The following TRMT9B variants were observed in gnomAD, a reference collection of about 807,000 sequenced individuals.
The protein encoded by TRMT9B is tRNA methyltransferase 9B (putative).
In TRMT9B, 16 loss-of-function variants were observed where a neutral mutation model predicts 11.5. The ratio of observed to expected loss-of-function variants is 1.39; its 90% CI spans 0.94 to 2.11. TRMT9B has a LOEUF of 2.11. Among genes scored for constraint, TRMT9B ranks in the 30% most tolerant of loss-of-function variants. The probability of loss-of-function intolerance (pLI) is 0.00; values close to 1 mark genes in which losing one functional copy is unlikely to be tolerated. For synonymous variants in TRMT9B, 274 were observed against 192.4 expected, an observed-to-expected ratio of 1.42 and a Z score of -3.51; for missense variants, 941 against 553.8, an observed-to-expected ratio of 1.70 and a Z score of -7.02.
At chr8:13,016,240 T>A (rs1812667478) in intron 4 of TRMT9B, among the ~76,000 whole-genome samples, 1 of 145,540 alleles carries the variant, frequency 6.9e-6, no homozygotes. Flanking sequence ...ATATATTATA[T>A]ATAAAATATA....
chr8:13,019,852 C>T (rs775801257), intron 4 of TRMT9B, among the ~76,000 whole-genome samples: 1 of 152,196 alleles, frequency 6.6e-6, no homozygotes, highest in Non-Finnish European at 1.5e-5. Flanking sequence ...GAATGAAATA[C>T]ACTGGTGTGT....
intron 1 of TRMT9B, among the ~76,000 whole-genome samples, chr8:12,966,319 A>T (rs1802820191): frequency 6.6e-6 from 1 of 152,098 alleles, no homozygotes; most frequent in African/African-American, 2.4e-5. Flanking sequence ...AAACAGATAC[A>T]ACCATGTGCC....
chr8:12,952,314 G>C lies in TRMT9B; in HGVS notation c.-200+6348G>C, dbSNP rs186577761. 591 of 352,480 alleles carry C rather than the reference G, an allele frequency of 1.7e-3. 3 individuals are homozygous for C. The highest frequency in any genetic ancestry group is 0.012 in the African/African-American group (560 of 45,540). 21.8% of individuals were successfully genotyped at this position (352,480 alleles called of 1,614,324 possible). A position where few individuals can be genotyped will look rare whatever the true frequency, so the allele number is the denominator to read the frequency against. Reference sequence around the variant, plus strand: ...CAGGGAGGAGGGGGCGCGACAGGTCGTCTAGCGCGTGCCCCGGAGCCCGCG... The same window carrying C: ...CAGGGAGGAGGGGGCGCGACAGGTCCTCTAGCGCGTGCCCCGGAGCCCGCG... On this transcript the variant is annotated intron_variant, in intron 1 of 4. Coordinates refer to ENST00000524591, the MANE Select transcript of TRMT9B (RefSeq NM_020844.3).
At chr8:12,957,542 AT>A (rs1689218736) in intron 1 of TRMT9B, among the ~76,000 whole-genome samples, 1 of 152,204 alleles carries the variant, frequency 6.6e-6, no homozygotes, top group Non-Finnish European at 1.5e-5. Flanking sequence ...ACTTAATACA[AT>A]TATGAAATAG....
At chr8:12,948,455 A>AT (rs1255810390) in intron 1 of TRMT9B, among the ~76,000 whole-genome samples, 7 of 148,274 alleles carry the variant, frequency 4.7e-5, no homozygotes, top group Non-Finnish European at 8.9e-5. Context: ...ATATGTATGT[A>AT]TATAACACAT....
chr8:13,019,828 C>T (rs916228465), intron 4 of TRMT9B, among the ~76,000 whole-genome samples: 10 of 152,118 alleles, frequency 6.6e-5, no homozygotes, highest in African/African-American at 1.9e-4. Flanking sequence ...AACTAGTTAC[C>T]GAAAGTTCTA....
chr8:12,984,646 A>G (rs945606171), intron 1 of TRMT9B, among the ~76,000 whole-genome samples: 1 of 151,896 alleles, frequency 6.6e-6, no homozygotes, highest in East Asian at 1.9e-4. Flanking sequence ...ATTTTGGGGG[A>G]CCTATTGCTT....
At position 12,983,526 on chromosome 8, in the gene TRMT9B, T is replaced by A. The variant is rs555474573; in HGVS notation, c.-199-7308T>A. Among the ~76,000 whole-genome samples the A allele has an allele frequency of 8.5e-5, 13 of 152,224 alleles. No individual in the cohort carries two copies. The South Asian group carries it at 2.5e-3, about 29-fold the overall frequency. On this transcript the variant is annotated intron_variant, in intron 1 of 4. Transcript: ENST00000524591. ...CTCTACTAAAATTACAGAAATTAGC[T>A]GGGCGTTGTGGCAGGTGCCTGTAAT...
chr8:12,975,630 T>G (rs1699784689), intron 1 of TRMT9B, among the ~76,000 whole-genome samples: 1 of 152,068 alleles, frequency 6.6e-6, no homozygotes, highest in Non-Finnish European at 1.5e-5. Context: ...CCCAGCTACT[T>G]TGGAAGCTAA....
At chr8:12,952,325 G>C (rs950100783) in intron 1 of TRMT9B, 1 of 335,506 alleles carries the variant, frequency 3.0e-6, no homozygotes, top group Non-Finnish European at 6.2e-6. Context: ...TCTAGCGCGT[G>C]CCCCGGAGCC....
chr8:12,957,044 T>A (rs1313784228), intron 1 of TRMT9B, among the ~76,000 whole-genome samples: 3 of 152,162 alleles, frequency 2.0e-5, no homozygotes, highest in East Asian at 1.9e-4. Flanking sequence ...TGGATAACAA[T>A]AAGGTTATGA....
chr8:12,978,412 C>G (rs1183109690), intron 1 of TRMT9B, among the ~76,000 whole-genome samples: 2 of 152,128 alleles, frequency 1.3e-5, no homozygotes, highest in Non-Finnish European at 2.9e-5. Context: ...AATAAATCTG[C>G]TTTTCTTTAC....
chr8:13,005,727 C>G (rs1158462936), intron 2 of TRMT9B, among the ~76,000 whole-genome samples: 3 of 152,138 alleles, frequency 2.0e-5, no homozygotes, highest in Non-Finnish European at 1.5e-5. Context: ...GGCACCTATA[C>G]TAAAATAAAA....
At chr8:12,952,255 T>G (rs905878144) in intron 1 of TRMT9B, 3 of 431,984 alleles carry the variant, frequency 6.9e-6, no homozygotes, top group African/African-American at 6.2e-5. Context: ...AAGCTTCTGT[T>G]GCGCCCTAGA....
chr8:13,015,494 A>G (rs924900046), intron 4 of TRMT9B, among the ~76,000 whole-genome samples: 6 of 152,074 alleles, frequency 3.9e-5, no homozygotes, highest in Non-Finnish European at 5.9e-5. Flanking sequence ...TGGGACTACA[A>G]GCACACATCA....
At chr8:12,999,298 CAAAAA>C (rs71207111) in intron 2 of TRMT9B, among the ~76,000 whole-genome samples, 1 of 47,634 alleles carries the variant, frequency 2.1e-5, no homozygotes. Flanking sequence ...GACTCCATCT[CAAAAA>C]AAAAAAAAAA....
intron 1 of TRMT9B, among the ~76,000 whole-genome samples, chr8:12,955,975 G>C (rs1408017068): frequency 6.6e-6 from 1 of 152,106 alleles, no homozygotes; most frequent in Non-Finnish European, 1.5e-5. Context: ...TGATCAGAGA[G>C]GCTGCTGCAA....
At chr8:12,987,524 C>G (rs533535955) in intron 1 of TRMT9B, among the ~76,000 whole-genome samples, 3 of 152,132 alleles carry the variant, frequency 2.0e-5, no homozygotes, top group Non-Finnish European at 4.4e-5. Flanking sequence ...GACCCCATTT[C>G]TACAAAAATC....
At chr8:12,987,397 A>G (rs962268610) in intron 1 of TRMT9B, among the ~76,000 whole-genome samples, 1 of 152,198 alleles carries the variant, frequency 6.6e-6, no homozygotes, top group Non-Finnish European at 1.5e-5. Flanking sequence ...TTATAAGTCA[A>G]AAATGCACTT....
Sources: gnomAD v4.1 joint callset for allele counts (sites outside exome capture counted in the v4.1 genomes callset) on GRCh38, gnomAD v4.1.1 for gene constraint, MANE v1.5 for transcripts, NCBI Gene and HGNC (gene_info 2026-07-23, HGNC 2026-07-21) for gene names.